The following RPS3 variants were observed in gnomAD, a reference collection of about 807,000 sequenced individuals.
The protein encoded by RPS3 is ribosomal protein S3.
A neutral mutation model predicts 25.8 loss-of-function variants in RPS3; 2 were observed. That is an observed-to-expected ratio of 0.08 (90% CI 0.03 to 0.24). RPS3 has a LOEUF of 0.24. Among genes scored for constraint, RPS3 ranks in the 10% least tolerant of loss-of-function variants. The pLI is 1.00. For missense variants in RPS3, 107 were observed against 307.1 expected (o/e 0.35, Z 4.87); for synonymous variants, 114 against 114.2 (o/e 1.00, Z 0.01).
chr11:75,401,317 G>A (rs1449632366), intron 2 of RPS3, among the ~76,000 whole-genome samples: 1 of 152,152 alleles, frequency 6.6e-6, no homozygotes, highest in African/African-American at 2.4e-5. Context: ...ATCAGCCGGG[G>A]CAACATGGGG....
At chr11:75,400,635 C>T in intron 1 of RPS3, 59 bp from the exon 2 acceptor site, 1 of 1,596,644 alleles carries the variant, frequency 6.3e-7, no homozygotes, top group Non-Finnish European at 8.6e-7. Flanking sequence ...TAGACTGGCT[C>T]AGGCGAAAGT....
intron 6 of RPS3, among the ~76,000 whole-genome samples, chr11:75,419,552 TCAAA>T (rs1948426523): frequency 6.6e-6 from 1 of 150,400 alleles, no homozygotes; most frequent in African/African-American, 2.5e-5. Context: ...AGACTCCTTC[TCAAA>T]CAAAAAAAAA....
intron 6 of RPS3, among the ~76,000 whole-genome samples, chr11:75,420,969 C>T (rs1237163337): frequency 6.6e-6 from 1 of 152,170 alleles, no homozygotes; most frequent in South Asian, 2.1e-4. Flanking sequence ...GGGAAGGGTC[C>T]AGCCAACTAA....
chr11:75,416,216 G>A (rs1948397028), intron 6 of RPS3, among the ~76,000 whole-genome samples: 1 of 152,146 alleles, frequency 6.6e-6, no homozygotes, highest in Non-Finnish European at 1.5e-5. Context: ...CACAGCAAGT[G>A]CCCAATTAGT....
At chr11:75,419,916 T>A (rs1948429172) in intron 6 of RPS3, among the ~76,000 whole-genome samples, 2 of 152,186 alleles carry the variant, frequency 1.3e-5, no homozygotes, top group Admixed American at 1.3e-4. Context: ...TTACAGTCAT[T>A]TTTTTAAAAA....
At chr11:75,399,646 C>T (rs1948173726) in intron 1 of RPS3, 69 bp downstream of exon 1, 6 of 1,395,358 alleles carry the variant, frequency 4.3e-6, no homozygotes, top group South Asian at 3.5e-5. Flanking sequence ...CGGGGTGCCA[C>T]CGCGAGGCCT....
At chr11:75,410,038 C>G (rs1948331850), downstream of RPS3, among the ~76,000 whole-genome samples, 6 of 145,106 alleles carry the variant, frequency 4.1e-5, no homozygotes, top group African/African-American at 1.5e-4. Context: ...CCCCTCACCT[C>G]CCGGACGGGG....
chr11:75,416,168 A>T (rs1318919525), intron 6 of RPS3, among the ~76,000 whole-genome samples: 3 of 152,212 alleles, frequency 2.0e-5, no homozygotes, highest in Non-Finnish European at 4.4e-5. Flanking sequence ...CCCTTTGGTC[A>T]TCTGCATGTA....
downstream of RPS3, among the ~76,000 whole-genome samples, chr11:75,408,781 A>T (rs1395269848): frequency 4.6e-5 from 7 of 152,232 alleles, no homozygotes; most frequent in East Asian, 1.4e-3. Flanking sequence ...CCTGACCTCA[A>T]GTGATCCACC....
rs775565062 is a variant in RPS3, at chr11:75,399,544, C to T, written c.-4C>T. 1.9e-6 allele frequency: 3 copies of T among 1,613,988 alleles called. No homozygotes were observed. The highest frequency in any genetic ancestry group is 2.5e-6 in the Non-Finnish European group (3 of 1,179,950). On this transcript the variant is annotated 5_prime_UTR_variant, in exon 1 of 7. Transcript: ENST00000531188. The stretch of plus-strand genomic sequence containing the variant: ...CTTTCCTTTCAGCGGAGCGCGGCGG[C>T]AAGATGGCAGTGCAAATATCCAAGA...
At chr11:75,401,534 A>C in intron 2 of RPS3, 106 bp from the exon 3 acceptor site, 2 of 820,766 alleles carry the variant, frequency 2.4e-6, no homozygotes, top group Non-Finnish European at 4.0e-6. Context: ...TTGTCAATGA[A>C]AATTATATGC....
At chr11:75,401,514 A>T (rs1948209736) in intron 2 of RPS3, 126 bp from the exon 3 acceptor site, 1 of 691,636 alleles carries the variant, frequency 1.4e-6, no homozygotes, top group Admixed American at 2.8e-5. Context: ...CGTTTTAAAA[A>T]TTTTAGTTTT....
intron 6 of RPS3, among the ~76,000 whole-genome samples, chr11:75,420,651 G>T (rs1244927427): frequency 6.6e-6 from 1 of 152,122 alleles, no homozygotes; most frequent in Non-Finnish European, 1.5e-5. Flanking sequence ...ACAAGATTTA[G>T]TGTAGTCAGT....
chr11:75,408,821 C>T (rs1948313175), downstream of RPS3, among the ~76,000 whole-genome samples: 1 of 152,212 alleles, frequency 6.6e-6, no homozygotes, highest in Non-Finnish European at 1.5e-5. Flanking sequence ...CAGGCGTGAG[C>T]CACTGTACCC....
downstream of RPS3, among the ~76,000 whole-genome samples, chr11:75,408,224 C>T (rs1292193269): frequency 6.6e-6 from 1 of 152,104 alleles, no homozygotes; most frequent in African/African-American, 2.4e-5. Flanking sequence ...AAAATATGTC[C>T]AGCTGTGGTG....
intron 1 of RPS3, chr11:75,400,381 GTT>G (rs1444465686): frequency 1.9e-6 from 1 of 531,504 alleles, no homozygotes; most frequent in African/African-American, 1.9e-5. Flanking sequence ...ATGTGGAACT[GTT>G]TTAAACCCTT....
chr11:75,399,951 T>C (rs996161054), intron 1 of RPS3: 1 of 331,486 alleles, frequency 3.0e-6, no homozygotes, highest in Non-Finnish European at 5.6e-6. Flanking sequence ...TTGCCTTAAC[T>C]GGTCGTTTCT....
chr11:75,408,842 T>A (rs962906945), downstream of RPS3, among the ~76,000 whole-genome samples: 1 of 152,216 alleles, frequency 6.6e-6, no homozygotes, highest in African/African-American at 2.4e-5. Context: ...AGCCTACTCT[T>A]CTACATCTTT....
intron 6 of RPS3, among the ~76,000 whole-genome samples, chr11:75,416,542 T>C (rs1044771148): frequency 2.8e-4 from 40 of 143,286 alleles, no homozygotes; most frequent in African/African-American, 9.3e-4. Context: ...CACTGCAACC[T>C]CCGCCTCCTG....
Sources: gnomAD v4.1 joint callset for allele counts (sites outside exome capture counted in the v4.1 genomes callset) on GRCh38, gnomAD v4.1.1 for gene constraint, MANE v1.5 for transcripts, NCBI Gene and HGNC (gene_info 2026-07-23, HGNC 2026-07-21) for gene names.